Variants in TRPM1 observed in about 807,000 individuals in gnomAD.
The protein encoded by TRPM1 is TRPM1-203 APA Isoform, Intron 10.
In TRPM1, 113 loss-of-function variants were observed where a neutral mutation model predicts 149.4. The ratio of observed to expected loss-of-function variants is 0.76; its 90% confidence interval spans 0.65 to 0.88. TRPM1 has a LOEUF of 0.88. Among genes scored for constraint, TRPM1 ranks in the 40% least tolerant of loss-of-function variants. TRPM1 has a pLI of 0.00. For synonymous variants in TRPM1, 741 were observed against 759.5 expected (o/e 0.98, Z 0.40); for missense variants, 1,976 against 2,038.7 (o/e 0.97, Z 0.59).
intron 1 of TRPM1, among the ~76,000 whole-genome samples, chr15:31,128,192 A>G (rs2035975115): frequency 6.6e-6 from 1 of 152,184 alleles, no homozygotes; most frequent in African/African-American, 2.4e-5. Context: ...GGGGGCAACC[A>G]ACCCACTGGC....
At chr15:31,045,464 G>A (rs2033737088) in intron 16 of TRPM1, among the ~76,000 whole-genome samples, 1 of 151,942 alleles carries the variant, frequency 6.6e-6, no homozygotes, top group South Asian at 2.1e-4. Context: ...CCCTTTCTTG[G>A]GTATTCTTTT....
Position 31,001,681 on chromosome 15 carries a change from G to A in TRPM1, c.*141C>T, listed in dbSNP as rs890498002. 1.3e-5 allele frequency: 10 copies of A among 796,396 alleles called. No homozygotes were observed. The African/African-American group carries it at 1.6e-4, about 13-fold the overall frequency. The allele number at this position is 796,396 out of a possible 1,614,324, so 49.3% of individuals were successfully genotyped here. A position where few individuals can be genotyped will look rare whatever the true frequency, so the allele number is the denominator to read the frequency against. On this transcript the variant is annotated 3_prime_UTR_variant, in exon 28 of 28. Transcript: ENST00000256552. ...ATGCTAACAAAATACTACTTTTAGT[G>A]CATTAAATTGTAAATCAAGTCTGAA...
intron 1 of TRPM1, among the ~76,000 whole-genome samples, chr15:31,120,154 A>G (rs1295916155): frequency 1.3e-5 from 2 of 152,052 alleles, no homozygotes; most frequent in Non-Finnish European, 2.9e-5. Flanking sequence ...TTTAGCTCCC[A>G]TTTATAATGT....
chr15:31,085,729 G>A (rs1036159106), intron 1 of TRPM1, among the ~76,000 whole-genome samples: 2 of 152,136 alleles, frequency 1.3e-5, no homozygotes, highest in Admixed American at 1.3e-4. Flanking sequence ...GCCCTGACCT[G>A]GTTAGTGCAA....
chr15:31,088,424 C>T (rs1003551832), intron 1 of TRPM1, among the ~76,000 whole-genome samples: 5 of 152,182 alleles, frequency 3.3e-5, no homozygotes, highest in Non-Finnish European at 5.9e-5. Context: ...GTTGGCACCA[C>T]CTTTAAGAGC....
intron 20 of TRPM1, among the ~76,000 whole-genome samples, chr15:31,036,617 G>A (rs1216588001): frequency 6.6e-6 from 1 of 152,166 alleles, no homozygotes; most frequent in African/African-American, 2.4e-5. Flanking sequence ...CCCTCCACCC[G>A]ATCCAGAGGG....
At chr15:31,056,507 T>C (rs2034091157) in intron 11 of TRPM1, among the ~76,000 whole-genome samples, 2 of 152,232 alleles carry the variant, frequency 1.3e-5, no homozygotes, top group South Asian at 4.1e-4. Flanking sequence ...AGGACAATCT[T>C]GAGCCTCATG....
rs191130391 is a variant in TRPM1, at chr15:31,109,114, A to G, written c.55-32130T>C. Among the ~76,000 whole-genome samples the G allele has an allele frequency of 9.7e-4, 148 of 152,290 alleles. 1 individual carries two copies. Among genetic ancestry groups the G allele is most frequent in the Middle Eastern group, 6.8e-3 (2 of 294 alleles). On this transcript the variant is annotated intron_variant, in intron 1 of 26. Transcript: ENST00000542188. ...AAATACAAGGCAGACTATAGGAAGC[A>G]CTGCAATCAGCTTTGACACGCAAGA...
At chr15:31,046,930 C>G (rs555841978) in intron 15 of TRPM1, among the ~76,000 whole-genome samples, 181 bp downstream of exon 15, 1 of 152,260 alleles carries the variant, frequency 6.6e-6, no homozygotes, top group Middle Eastern at 3.4e-3. Flanking sequence ...CGGGGCGGCC[C>G]GTGCTCAGGG....
rs566348132 is a variant in TRPM1, at chr15:31,061,657, T to TC, written c.1090-144dup. On this transcript the variant is annotated intron_variant, in intron 9 of 27. Transcript: ENST00000256552. ...AGTTTCAAAGCAAGTGCTGTTGATTTCTTTTTTTTCTTTTCTTTTTCTTTT... is the reference window on the plus strand; with the variant it reads ...AGTTTCAAAGCAAGTGCTGTTGATTTCCTTTTTTTTCTTTTCTTTTTCTTTT... 2.5e-3 allele frequency: 1,750 copies of TC among 710,834 alleles called. 4 individuals are homozygous for TC. Among genetic ancestry groups the TC allele is most frequent in the Non-Finnish European group, 3.4e-3 (1,387 of 413,954 alleles). 44.0% of individuals were successfully genotyped at this position (710,834 alleles called of 1,614,324 possible).
chr15:31,106,686 C>T (rs1195133280), upstream of TRPM1, among the ~76,000 whole-genome samples: 3 of 152,146 alleles, frequency 2.0e-5, no homozygotes, highest in Non-Finnish European at 4.4e-5. Flanking sequence ...TCACCAGACC[C>T]GTGTCAATGG....
intron 22 of TRPM1, chr15:31,031,433 G>T: frequency 1.9e-6 from 1 of 517,620 alleles, no homozygotes. Flanking sequence ...ATGTCCCTTA[G>T]TAACTACAAC....
At chr15:31,133,530 T>C (rs781240298) in intron 1 of TRPM1, among the ~76,000 whole-genome samples, 5 of 152,128 alleles carry the variant, frequency 3.3e-5, no homozygotes, top group Non-Finnish European at 5.9e-5. Flanking sequence ...ACCCCGTCTC[T>C]ACAAAAAATT....
intron 21 of TRPM1, 144 bp from the exon 22 acceptor site, chr15:31,033,084 G>A: frequency 9.0e-7 from 1 of 1,106,366 alleles, no homozygotes; most frequent in East Asian, 2.5e-5. Context: ...CTTCTTCTCA[G>A]GCAGGGAGAG....
chr15:31,047,956 C>A lies in TRPM1; in HGVS notation c.1573-17G>T, dbSNP rs2033828374. 3.1e-6 allele frequency: 5 copies of A among 1,612,494 alleles called. No individual in the cohort carries two copies. The South Asian group carries it at 5.5e-5, about 18-fold the overall frequency. On this transcript the variant is annotated splice_polypyrimidine_tract_variant and intron_variant, in intron 13 of 27. Transcript: ENST00000256552. ...ACCCAGTCTCTGAAAGAGAAGCATTCATGTGTGTTAAATATGTTTTTCTTG... is the reference window on the plus strand; with the variant it reads ...ACCCAGTCTCTGAAAGAGAAGCATTAATGTGTGTTAAATATGTTTTTCTTG...
intron 1 of TRPM1, among the ~76,000 whole-genome samples, chr15:31,147,136 A>C (rs1596102072): frequency 6.6e-6 from 1 of 152,240 alleles, no homozygotes; most frequent in Non-Finnish European, 1.5e-5. Context: ...TGATTCTAGA[A>C]TTGCAAATAA....
chr15:31,160,881 C>T (rs2036435627), intron 1 of TRPM1: 3 of 1,535,346 alleles, frequency 2.0e-6, no homozygotes, highest in Non-Finnish European at 2.6e-6. Context: ...CAGCTGCCCG[C>T]AGGCCACTGG....
intron 21 of TRPM1, among the ~76,000 whole-genome samples, chr15:31,034,723 G>C (rs917073879): frequency 6.6e-6 from 1 of 152,216 alleles, no homozygotes; most frequent in African/African-American, 2.4e-5. Flanking sequence ...ACCACACTGT[G>C]CAAGTGTCTC....
rs1202217378 is a variant in TRPM1 at position 31,061,497 on chromosome 15, C to T, written c.1107G>A (p.Met369Ile). 6.2e-7 allele frequency: 1 copy of T among 1,614,048 alleles called. No homozygotes were observed. Among genetic ancestry groups the T allele is most frequent in the Non-Finnish European group, 8.5e-7 (1 of 1,179,992 alleles). ...KKKELVTVFR[M>I]GSEGQQDIEM... ...CGATGTCCTGCTGGCCCTCAGAACC[C>T]ATTCTGAACACAGTGACCTGAAAAT... Residue 369 changes from methionine (M) to isoleucine (I), a missense_variant, in exon 10 of 28, where the codon ATG (methionine) becomes ATA (isoleucine). Physicochemically the swap from Met to Ile is conservative, Grantham distance 10. This residue lies in a region of TRPM1 where 1,332 missense variants were observed against 1,347.1 expected (regional missense o/e 0.99). Coordinates refer to ENST00000256552, the MANE Select transcript of TRPM1 (RefSeq NM_001252024.2).
Sources: allele counts gnomAD v4.1 joint callset (sites outside exome capture counted in the v4.1 genomes callset), GRCh38; gene constraint gnomAD v4.1.1; regional missense constraint gnomAD v4.1.1; transcripts MANE v1.5; gene names NCBI Gene and HGNC (gene_info 2026-07-23, HGNC 2026-07-21).